Variants in POU6F1 observed in about 807,000 individuals in gnomAD.
POU6F1 encodes the protein POU class 6 homeobox 1.
In POU6F1, 9 loss-of-function variants were observed where a neutral mutation model predicts 28.9. The observed-to-expected ratio is 0.31, with a 90% CI of 0.19 to 0.54. The LOEUF (loss-of-function observed/expected upper bound fraction) is 0.54. POU6F1 is among the 20% of genes least tolerant of loss of function. The pLI, the probability that POU6F1 is intolerant of heterozygous loss-of-function variation, is 0.94. For synonymous variants in POU6F1, 173 were observed against 171.1 expected (o/e 1.01, Z -0.09); for missense variants, 338 against 426.1 (o/e 0.79, Z 1.82).
At chr12:51,198,954 G>A (rs957070283) in intron 4 of POU6F1, among the ~76,000 whole-genome samples, 179 bp from the exon 5 acceptor site, 1 of 152,226 alleles carries the variant, frequency 6.6e-6, no homozygotes, top group Non-Finnish European at 1.5e-5. Flanking sequence ...CAAACCTGAG[G>A]GGGTGCCTGG....
At chr12:51,208,040 AG>A (rs1214376654) in intron 1 of POU6F1, among the ~76,000 whole-genome samples, 2 of 151,814 alleles carry the variant, frequency 1.3e-5, no homozygotes, top group Non-Finnish European at 2.9e-5. Flanking sequence ...TGGGAGGCCA[AG>A]GCAGGAGGAT....
At position 51,192,490 on chromosome 12, in the gene POU6F1, C is replaced by T. The variant is rs556177121; in HGVS notation, c.1180-19G>A. The T allele has an allele frequency of 2.6e-4, 415 of 1,609,586 alleles. 3 individuals carry two copies. The South Asian group carries it at 4.1e-3, about 16-fold the overall frequency. ...GCTGCACCTGTGAAAGGACAGACAA[C>T]AAGCCTTTGCTGCCCTCTGCCAGGC... On this transcript the variant is annotated intron_variant, in intron 8 of 10. Coordinates refer to ENST00000333640, the MANE Select transcript of POU6F1 (RefSeq NM_001330422.2).
rs1456964015 is a variant in POU6F1, at chr12:51,189,038, G to A, written c.*1209C>T. 2 of 152,176 alleles carry A rather than the reference G, an allele frequency of 1.3e-5. No individual in the cohort carries two copies. The highest frequency in any genetic ancestry group is 2.9e-5 in the Non-Finnish European group (2 of 68,056). The allele number at this position is 152,176 out of a possible 1,614,324, so 9.4% of individuals were successfully genotyped here. On this transcript the variant is annotated 3_prime_UTR_variant, in exon 11 of 11. Coordinates refer to ENST00000333640, the MANE Select transcript of POU6F1 (RefSeq NM_001330422.2). ...AAGCAAAACTCAATCTGATCTGGGG[G>A]TGTCCTTGGCTCAGAGGACACTGTG...
At chr12:51,204,403 G>C (rs1334263479) in intron 2 of POU6F1, 35 bp from the exon 3 acceptor site, 6 of 399,056 alleles carry the variant, frequency 1.5e-5, no homozygotes, top group Non-Finnish European at 2.2e-5. Flanking sequence ...GTTGGGATAG[G>C]GGCCAGTATA....
rs1263602260 is a variant in POU6F1, at chr12:51,192,268, G to A, written c.1321+62C>T. The A allele has an allele frequency of 3.2e-6, 5 of 1,579,384 alleles. No homozygotes were observed. The Admixed American group carries it at 8.5e-5, about 27-fold the overall frequency. Reference sequence around the variant, plus strand: ...TATCAAGGAAAGCAGCATCTGAAGAGATTGGGTGCCCACATAAATGCCTCC... The same window carrying A: ...TATCAAGGAAAGCAGCATCTGAAGAAATTGGGTGCCCACATAAATGCCTCC... On this transcript the variant is annotated intron_variant, in intron 9 of 10. Coordinates refer to ENST00000333640, the MANE Select transcript of POU6F1 (RefSeq NM_001330422.2).
rs567683505 is a variant in POU6F1 at position 51,217,121 on chromosome 12, G to C, written c.-48+521C>G. ...GGGTCCCTACCCCCGGGTCCCACCG[G>C]TCGTCCCGGAGTTTGTTCATTCGGG... On this transcript the variant is annotated intron_variant, in intron 1 of 10. Transcript: ENST00000333640. The surrounding 1 kb of genome is among the most constrained non-coding windows in gnomAD (Gnocchi z 5.3). Among the ~76,000 whole-genome samples, 33 of 152,280 alleles carry C rather than the reference G, an allele frequency of 2.2e-4. 1 individual carries two copies. In the East Asian group the frequency reaches 3.3e-3, roughly 15 times the overall value.
rs148510381 is a variant in POU6F1 at position 51,188,629 on chromosome 12, T to G, written c.*1618A>C. On this transcript the variant is annotated 3_prime_UTR_variant, in exon 11 of 11. Coordinates refer to ENST00000333640, the MANE Select transcript of POU6F1 (RefSeq NM_001330422.2). ...GGGCCTGGGAGGCACCAACAGTAAGTGGGAAAGGAAACAGGACACCAGAGG... is the reference window on the plus strand; with the variant it reads ...GGGCCTGGGAGGCACCAACAGTAAGGGGGAAAGGAAACAGGACACCAGAGG... The G allele has an allele frequency of 6.6e-6, 1 of 152,144 alleles. No individual in the cohort carries two copies. Among genetic ancestry groups the G allele is most frequent in the African/African-American group, 2.4e-5 (1 of 41,416 alleles). 9.4% of individuals were successfully genotyped at this position (152,144 alleles called of 1,614,324 possible).
rs1444606087 is a variant in POU6F1, at chr12:51,217,626, G to C, written c.-48+16C>G. On this transcript the variant is annotated intron_variant, in intron 1 of 10. Coordinates refer to ENST00000333640, the MANE Select transcript of POU6F1 (RefSeq NM_001330422.2). The surrounding 1 kb of genome is among the most constrained non-coding windows in gnomAD (Gnocchi z 5.3). ...CTCCGTGCAAACCCCTCCCCGCCCC[G>C]GACCCCGCTACTTACCGGAGCCCGA... The C allele has an allele frequency of 7.3e-6, 1 of 136,516 alleles. No individual in the cohort carries two copies. The highest frequency in any genetic ancestry group is 1.6e-5 in the Non-Finnish European group (1 of 61,646). 8.5% of individuals were successfully genotyped at this position (136,516 alleles called of 1,614,324 possible).
chr12:51,212,819 A>G (rs986390703), intron 1 of POU6F1, among the ~76,000 whole-genome samples: 2 of 150,200 alleles, frequency 1.3e-5, no homozygotes, highest in African/African-American at 2.4e-5. Context: ...ATAGTCCAAT[A>G]TGGGAGTCAA....
At position 51,189,778 on chromosome 12, in the gene POU6F1, CTG is replaced by C. The variant is rs938029343; in HGVS notation, c.*467_*468del. On this transcript the variant is annotated 3_prime_UTR_variant, in exon 11 of 11. Coordinates refer to ENST00000333640, the MANE Select transcript of POU6F1 (RefSeq NM_001330422.2). ...TGGGGGGCGGAAGGGCAGTGTGAGG[CTG>C]TGTTTCCACTGGATGAGTTGTCATA... The C allele has an allele frequency of 9.8e-5, 17 of 172,760 alleles. No homozygotes were observed. Among genetic ancestry groups the C allele is most frequent in the Non-Finnish European group, 6.4e-5 (5 of 78,698 alleles). 10.7% of individuals were successfully genotyped at this position (172,760 alleles called of 1,614,324 possible). A position where few individuals can be genotyped will look rare whatever the true frequency, so the allele number is the denominator to read the frequency against.
intron 8 of POU6F1, among the ~76,000 whole-genome samples, chr12:51,193,534 T>C (rs1942591332): frequency 6.6e-6 from 1 of 152,096 alleles, no homozygotes; most frequent in South Asian, 2.1e-4. Flanking sequence ...CGAGAGATCA[T>C]GCCACTGCAC....
At chr12:51,191,441 G>A (rs577246377) in intron 10 of POU6F1, among the ~76,000 whole-genome samples, 155 bp downstream of exon 10, 72 of 152,346 alleles carry the variant, frequency 4.7e-4, no homozygotes, top group African/African-American at 1.3e-3. Context: ...TGCCCCAGGT[G>A]TTCATATCTA....
chr12:51,209,962 T>A (rs1323884170), intron 1 of POU6F1, among the ~76,000 whole-genome samples: 2 of 151,252 alleles, frequency 1.3e-5, no homozygotes, highest in African/African-American at 2.4e-5. Flanking sequence ...CCCCTCAGAT[T>A]TTTTTTTTGT....
chr12:51,190,223 G>C lies in POU6F1; in HGVS notation c.*24C>G. On this transcript the variant is annotated 3_prime_UTR_variant, in exon 11 of 11. Coordinates refer to ENST00000333640, the MANE Select transcript of POU6F1 (RefSeq NM_001330422.2). This position sits in a 1 kb window ranked among gnomAD's most constrained non-coding sequence, Gnocchi z 4.5. The stretch of plus-strand genomic sequence containing the variant: ...GCCACGGGAAATGGACAAAGTGCTA[G>C]AACACAGGGCCAGGGGCTGAGCCCT... 6.2e-7 allele frequency: 1 copy of C among 1,610,048 alleles called. No homozygotes were observed. Among genetic ancestry groups the C allele is most frequent in the African/African-American group, 1.3e-5 (1 of 74,908 alleles).
chr12:51,198,580 C>T lies in POU6F1; in HGVS notation c.562G>A (p.Val188Met), dbSNP rs2137137856. The T allele has an allele frequency of 2.5e-6, 1 of 399,316 alleles. No homozygotes were observed. Among genetic ancestry groups the T allele is most frequent in the Non-Finnish European group, 4.4e-6 (1 of 226,336 alleles). The allele number at this position is 399,316 out of a possible 1,614,324, so 24.7% of individuals were successfully genotyped here. Residue 188 changes from valine (V) to methionine (M), a missense_variant, in exon 5 of 11, where the codon GTG becomes ATG. Around this residue, in one of 3 missense-constraint regions of POU6F1, gnomAD observed 206 missense variants for 225.6 expected, o/e 0.91. Transcript: ENST00000333640. ...GLTAASPTGG[V>M]FKPPLAGLQA... Reference sequence around the variant, plus strand: ...AGACCGGCTAAAGGTGGCTTGAACACTCCCCCCGTAGGAGAAGCAGCGGTC... The same window carrying T: ...AGACCGGCTAAAGGTGGCTTGAACATTCCCCCCGTAGGAGAAGCAGCGGTC...
At chr12:51,209,378 T>C (rs1483097352) in intron 1 of POU6F1, among the ~76,000 whole-genome samples, 2 of 152,258 alleles carry the variant, frequency 1.3e-5, no homozygotes, top group Admixed American at 6.5e-5. Flanking sequence ...GTAAATGGAA[T>C]GATAGAATAT....
Position 51,191,542 on chromosome 12 carries a change from G to A in POU6F1, c.1490+54C>T. The A allele has an allele frequency of 1.9e-6, 3 of 1,576,310 alleles. No homozygotes were observed. The Admixed American group carries it at 5.3e-5, about 28-fold the overall frequency. On this transcript the variant is annotated intron_variant, in intron 10 of 10. Coordinates refer to ENST00000333640, the MANE Select transcript of POU6F1 (RefSeq NM_001330422.2). ...GTGCTCAGGTTCCCATGAGTGCCCG[G>A]TGGCACCAGGCAGCTGAGCAGGCCC...
At position 51,188,601 on chromosome 12, in the gene POU6F1, G is replaced by T. The variant is rs1942190353; in HGVS notation, c.*1646C>A. 1 of 152,360 alleles carries T rather than the reference G, an allele frequency of 6.6e-6. No individual in the cohort carries two copies. Among genetic ancestry groups the T allele is most frequent in the African/African-American group, 2.4e-5 (1 of 41,482 alleles). 9.4% of individuals were successfully genotyped at this position (152,360 alleles called of 1,614,324 possible). A position where few individuals can be genotyped will look rare whatever the true frequency, so the allele number is the denominator to read the frequency against. On this transcript the variant is annotated 3_prime_UTR_variant, in exon 11 of 11. Coordinates refer to ENST00000333640, the MANE Select transcript of POU6F1 (RefSeq NM_001330422.2). The stretch of plus-strand genomic sequence containing the variant: ...CCAAGAGGGTGGCCACGCTGGCACT[G>T]CAGGGCCTGGGAGGCACCAACAGTA...
rs1405413234 is a variant in POU6F1 at position 51,190,440 on chromosome 12, C to T, written c.1643G>A (p.Arg548His). ...GGEPSKKRKR[R>H]TSFTPQAIEA... Reference sequence around the variant, plus strand: ...TATGGCCTGGGGGGTGAAGGAGGTGCGGCGTTTGCGTTTCTTGGAGGGCTC... The same window carrying T: ...TATGGCCTGGGGGGTGAAGGAGGTGTGGCGTTTGCGTTTCTTGGAGGGCTC... Residue 548 changes from arginine to histidine, a missense_variant, in exon 11 of 11, where the codon CGC becomes CAC. Arg to His is a conservative substitution (Grantham distance 29). Transcript: ENST00000333640. This position sits in a 1 kb window ranked among gnomAD's most constrained non-coding sequence, Gnocchi z 4.5. 9 of 1,614,058 alleles carry T rather than the reference C, an allele frequency of 5.6e-6. No individual in the cohort carries two copies. Among genetic ancestry groups the T allele is most frequent in the South Asian group, 1.1e-5 (1 of 91,066 alleles).
Sources: allele counts gnomAD v4.1 joint callset (sites outside exome capture counted in the v4.1 genomes callset), GRCh38; gene constraint gnomAD v4.1.1; regional missense constraint gnomAD v4.1.1; non-coding constraint Gnocchi (gnomAD v3.1); transcripts MANE v1.5; gene names NCBI Gene and HGNC (gene_info 2026-07-23, HGNC 2026-07-21).